Variants in SULF1 observed in about 807,000 individuals in gnomAD.
The protein encoded by SULF1 is sulfatase 1.
Under a neutral mutation model 110.5 loss-of-function variants are expected in SULF1, and 46 were observed. That is an observed-to-expected ratio of 0.42 (90% CI 0.33 to 0.53). SULF1 has a LOEUF of 0.53. SULF1 is among the 20% of genes least tolerant of loss of function. The probability of loss-of-function intolerance (pLI) is 0.12; values close to 1 mark genes in which losing one functional copy is unlikely to be tolerated. For missense variants in SULF1, 941 were observed against 1,094.2 expected (o/e 0.86, Z 1.98); for synonymous variants, 371 against 387.1 (o/e 0.96, Z 0.49).
chr8:69,646,487 A>T (rs2130712880), intron 22 of SULF1, among the ~76,000 whole-genome samples: 1 of 149,896 alleles, frequency 6.7e-6, no homozygotes, highest in African/African-American at 2.5e-5. Context: ...GGGCCGTGGC[A>T]CCATCTTGGC....
intron 13 of SULF1, among the ~76,000 whole-genome samples, chr8:69,608,938 C>G (rs1297901877): frequency 1.3e-5 from 2 of 152,188 alleles, no homozygotes; most frequent in Admixed American, 1.3e-4. Flanking sequence ...CACCATCACA[C>G]ACATGCACAT....
At chr8:69,540,705 T>C (rs1376761351) in intron 3 of SULF1, among the ~76,000 whole-genome samples, 1 of 152,320 alleles carries the variant, frequency 6.6e-6, no homozygotes, top group East Asian at 1.9e-4. Context: ...ATGTTCTTGC[T>C]GTAGGATCAT....
chr8:69,563,060 C>T (rs921421300), intron 3 of SULF1: 4 of 152,196 alleles, frequency 2.6e-5, no homozygotes, highest in Non-Finnish European at 5.9e-5. Context: ...AAAGACTCTC[C>T]GGGGTAGAGA....
At position 69,589,771 on chromosome 8, in the gene SULF1, G is replaced by A. The variant is rs547796473; in HGVS notation, c.734+630G>A. Among the ~76,000 whole-genome samples, 109 of 152,216 alleles carry A rather than the reference G, an allele frequency of 7.2e-4. 2 individuals are homozygous for A. In the South Asian group the frequency reaches 0.011, roughly 15 times the overall value. ...GGATGAGACAGAACAAAGAGCTGTC[G>A]TGTGCCCACAATTCTCACCAGCCAA... On this transcript the variant is annotated intron_variant, in intron 8 of 22. Transcript: ENST00000402687.
intron 13 of SULF1, among the ~76,000 whole-genome samples, chr8:69,606,121 A>G (rs991176593): frequency 3.3e-5 from 5 of 152,238 alleles, no homozygotes; most frequent in African/African-American, 4.8e-5. Flanking sequence ...TACGCTTATT[A>G]TATGGTATCT....
chr8:69,526,162 T>G (rs1448903962), intron 3 of SULF1, among the ~76,000 whole-genome samples: 1 of 152,170 alleles, frequency 6.6e-6, no homozygotes, highest in Admixed American at 6.6e-5. Context: ...GGACACTTTG[T>G]ACCATAGAAG....
chr8:69,604,542 A>T (rs1409586561), intron 12 of SULF1, among the ~76,000 whole-genome samples: 1 of 152,226 alleles, frequency 6.6e-6, no homozygotes, highest in Non-Finnish European at 1.5e-5. Context: ...AAAATGAAAC[A>T]TGTATGCCCA....
chr8:69,487,888 G>T (rs889036349), upstream of SULF1, among the ~76,000 whole-genome samples: 3 of 152,296 alleles, frequency 2.0e-5, no homozygotes, highest in South Asian at 2.1e-4. Context: ...GTGTCGAAAA[G>T]CATGTCAGTG....
At chr8:69,616,133 T>C (rs925750206) in intron 13 of SULF1, among the ~76,000 whole-genome samples, 12 of 138,588 alleles carry the variant, frequency 8.7e-5, no homozygotes, top group South Asian at 2.5e-4. Context: ...AATGTGTATA[T>C]ATATACACAC....
intron 8 of SULF1, among the ~76,000 whole-genome samples, chr8:69,599,480 G>A (rs1429261383): frequency 6.6e-6 from 1 of 152,190 alleles, no homozygotes; most frequent in African/African-American, 2.4e-5. Flanking sequence ...ATTTGGAGGA[G>A]TTCCTCAACT....
intron 2 of SULF1, among the ~76,000 whole-genome samples, chr8:69,500,971 G>T (rs1250249114): frequency 4.6e-5 from 7 of 152,056 alleles, no homozygotes; most frequent in African/African-American, 1.7e-4. Context: ...AACCTGACTC[G>T]CCAAGGCCAG....
At chr8:69,547,633 C>T (rs1186269727) in intron 3 of SULF1, among the ~76,000 whole-genome samples, 1 of 152,146 alleles carries the variant, frequency 6.6e-6, no homozygotes, top group Non-Finnish European at 1.5e-5. Flanking sequence ...ATCACACACA[C>T]CCCAGGAAGC....
chr8:69,605,072 A>T (rs1808134193), intron 13 of SULF1, 140 bp downstream of exon 13: 1 of 1,176,188 alleles, frequency 8.5e-7, no homozygotes, highest in Non-Finnish European at 1.2e-6. Flanking sequence ...TCACTGAGAC[A>T]CCTCTCCGCG....
intron 3 of SULF1, among the ~76,000 whole-genome samples, chr8:69,555,610 T>C (rs1168476707): frequency 6.6e-6 from 1 of 151,704 alleles, no homozygotes; most frequent in African/African-American, 2.4e-5. Flanking sequence ...TGAGCCAAGA[T>C]CTTGCCACTG....
intron 8 of SULF1, among the ~76,000 whole-genome samples, chr8:69,599,453 A>G (rs1233475230): frequency 6.6e-6 from 1 of 152,144 alleles, no homozygotes; most frequent in Non-Finnish European, 1.5e-5. Flanking sequence ...TGTTTCTACC[A>G]CTTACTAATG....
chr8:69,521,076 T>C (rs1812265901), intron 3 of SULF1, among the ~76,000 whole-genome samples: 1 of 152,232 alleles, frequency 6.6e-6, no homozygotes, highest in Non-Finnish European at 1.5e-5. Context: ...ATAGAGGTTC[T>C]AGTGTCAAGC....
chr8:69,544,392 CTGAGTAG>C (rs1225321119), intron 3 of SULF1, among the ~76,000 whole-genome samples: 2 of 152,040 alleles, frequency 1.3e-5, no homozygotes, highest in Admixed American at 1.3e-4. Context: ...CCTCAGCCTC[CTGAGTAG>C]CTGGGATTAC....
At chr8:69,650,543 GA>G (rs1812257092) in intron 22 of SULF1, among the ~76,000 whole-genome samples, 1 of 152,166 alleles carries the variant, frequency 6.6e-6, no homozygotes, top group South Asian at 2.1e-4. Context: ...CTCAGAGGCA[GA>G]GCTTGCAGTG....
At chr8:69,596,217 A>G (rs374337548) in intron 8 of SULF1, among the ~76,000 whole-genome samples, 5 of 152,318 alleles carry the variant, frequency 3.3e-5, no homozygotes, top group African/African-American at 1.2e-4. Context: ...TCTTGGGGGT[A>G]TAAGGTCTGG....
Sources: allele counts gnomAD v4.1 joint callset (sites outside exome capture counted in the v4.1 genomes callset), GRCh38; gene constraint gnomAD v4.1.1; transcripts MANE v1.5; gene names NCBI Gene and HGNC (gene_info 2026-07-23, HGNC 2026-07-21).